PER3: variants seen among roughly 807,000 people sequenced by gnomAD.
The protein encoded by PER3 is period circadian regulator 3, also known as period circadian protein homolog 3.
In PER3, 107 loss-of-function variants were observed where a neutral mutation model predicts 127.2. The ratio of observed to expected loss-of-function variants is 0.84; its 90% CI spans 0.72 to 0.99. The LOEUF (loss-of-function observed/expected upper bound fraction) is 0.99. PER3 is among the 50% of genes least tolerant of loss of function. The pLI is 0.00. For synonymous variants in PER3, 618 were observed against 585.8 expected (o/e 1.05, Z -0.79); for missense variants, 1,560 against 1,525.8 (o/e 1.02, Z -0.37).
Position 7,827,164 on chromosome 1 carries a change from G to A in PER3, c.2235G>A (p.Gly745=). The stretch of plus-strand genomic sequence containing the variant: ...CGCGGTCGGCCGGCTGCAGGAAAGG[G>A]AAGCACAAGCGGAAGAAGCTGCCGG... ...KQTRSAGCRK[G]KHKRKKLPEP... The change falls in exon 18 of 22, where the codon GGG becomes GGA. Residue 745 remains glycine, a synonymous_variant. Coordinates refer to ENST00000377532, the MANE Select transcript of PER3 (RefSeq NM_001377275.1). 1 of 1,611,744 alleles carries A rather than the reference G, an allele frequency of 6.2e-7. No homozygotes were observed. The highest frequency in any genetic ancestry group is 8.5e-7 in the Non-Finnish European group (1 of 1,179,178).
intron 2 of PER3, 32 bp from the exon 3 acceptor site, chr1:7,785,409 G>T (rs1164761596): frequency 1.3e-6 from 2 of 1,582,414 alleles, no homozygotes; most frequent in Admixed American, 3.4e-5. Flanking sequence ...TGTCTTCAGA[G>T]GATGAAGTTG....
intron 13 of PER3, among the ~76,000 whole-genome samples, chr1:7,810,902 AAG>A (rs2097216532): frequency 2.0e-5 from 3 of 152,378 alleles, no homozygotes; most frequent in South Asian, 4.1e-4. Flanking sequence ...TTTAAACAAA[AAG>A]AGTGGATTTT....
intron 18 of PER3, among the ~76,000 whole-genome samples, chr1:7,828,702 A>C (rs1442040168): frequency 6.6e-6 from 1 of 152,232 alleles, no homozygotes; most frequent in African/African-American, 2.4e-5. Context: ...CTAGTTAGGA[A>C]GATTCACTTA....
At chr1:7,816,322 G>C (rs1390171478) in intron 13 of PER3, among the ~76,000 whole-genome samples, 1 of 152,036 alleles carries the variant, frequency 6.6e-6, no homozygotes, top group Non-Finnish European at 1.5e-5. Context: ...AGGAAGGACA[G>C]GTTGGACTTT....
rs1255608742 is a variant in PER3 at position 7,827,140 on chromosome 1, G to A, written c.2211G>A (p.Thr737=). ...YFQGDSTSKQ[T]RSAGCRKGKH... The stretch of plus-strand genomic sequence containing the variant: ...CAGGAGATTCTACTTCCAAGCAGAC[G>A]CGGTCGGCCGGCTGCAGGAAAGGGA... Residue 737 remains threonine (T), a synonymous_variant, in exon 18 of 22, where the codon ACG becomes ACA. Coordinates refer to ENST00000377532, the MANE Select transcript of PER3 (RefSeq NM_001377275.1). 6.2e-7 allele frequency: 1 copy of A among 1,602,640 alleles called. No individual in the cohort carries two copies. The highest frequency in any genetic ancestry group is 8.5e-7 in the Non-Finnish European group (1 of 1,175,136).
Position 7,810,427 on chromosome 1 carries a change from C to A in PER3, c.1372-11C>A. The A allele has an allele frequency of 6.4e-7, 1 of 1,570,884 alleles. No homozygotes were observed. Among genetic ancestry groups the A allele is most frequent in the Non-Finnish European group, 8.6e-7 (1 of 1,157,128 alleles). On this transcript the variant is annotated splice_polypyrimidine_tract_variant and intron_variant, in intron 12 of 21. Coordinates refer to ENST00000377532, the MANE Select transcript of PER3 (RefSeq NM_001377275.1). Reference sequence around the variant, plus strand: ...ATTTTTGAAACATATTTTATCATTCCTTTCCCTAAGATGACCTTGCAGCAG... The same window carrying A: ...ATTTTTGAAACATATTTTATCATTCATTTCCCTAAGATGACCTTGCAGCAG...
In PER3 at chr1:7,836,057, G is replaced by A; in HGVS notation, c.3398+112G>A. On this transcript the variant is annotated intron_variant, in intron 20 of 21. Transcript: ENST00000377532. ...CTGTCACCCAGGCTGGAGTGCAGTG[G>A]CACGATCTCAGCACACTGCAACCTC... The A allele has an allele frequency of 4.4e-6, 3 of 676,658 alleles. No individual in the cohort carries two copies. The South Asian group carries it at 5.8e-5, about 13-fold the overall frequency. 41.9% of individuals were successfully genotyped at this position (676,658 alleles called of 1,614,324 possible). A position where few individuals can be genotyped will look rare whatever the true frequency, so the allele number is the denominator to read the frequency against.
chr1:7,787,165 C>T (rs697684), intron 4 of PER3: 13,176 of 474,806 alleles, frequency 0.028, 246 homozygotes, highest in East Asian at 0.065. Context: ...TTCTAATCTC[C>T]GAATTGTTAA....
chr1:7,785,886 G>A (rs2097086692), intron 3 of PER3, among the ~76,000 whole-genome samples: 1 of 152,126 alleles, frequency 6.6e-6, no homozygotes, highest in Non-Finnish European at 1.5e-5. Context: ...AAGAAATATT[G>A]TCTTCTATGG....
intron 4 of PER3, chr1:7,787,443 T>G (rs760785766): frequency 1.5e-5 from 7 of 458,782 alleles, no homozygotes; most frequent in Non-Finnish European, 3.0e-5. Flanking sequence ...ATTATAACAG[T>G]GCTTATTTTA....
intron 5 of PER3, among the ~76,000 whole-genome samples, chr1:7,791,727 C>T (rs938320239): frequency 3.6e-4 from 55 of 152,214 alleles, no homozygotes; most frequent in African/African-American, 1.2e-3. Context: ...AAATTTCTTC[C>T]GTCAGATACC....
chr1:7,785,459 C>CA lies in PER3; in HGVS notation c.148dup (p.Arg50LysfsTer4). On this transcript the variant is annotated frameshift_variant, in exon 3 of 22. Transcript: ENST00000377532. LOFTEE classifies it high-confidence loss of function. ...CTTCCAGTGAACAGCAAGATCGAAA[C>CA]AGAGTTTCTGAAGAACTTATCATGG... The CA allele has an allele frequency of 6.2e-7, 1 of 1,612,606 alleles. No homozygotes were observed. The highest frequency in any genetic ancestry group is 8.5e-7 in the Non-Finnish European group (1 of 1,178,720).
At chr1:7,806,949 A>G (rs991080955) in intron 10 of PER3, among the ~76,000 whole-genome samples, 4 of 151,824 alleles carry the variant, frequency 2.6e-5, no homozygotes, top group African/African-American at 9.7e-5. Context: ...CTCAAAAAAC[A>G]AATTCCAAAT....
intron 13 of PER3, among the ~76,000 whole-genome samples, chr1:7,811,309 A>C (rs1227512042): frequency 1.3e-5 from 2 of 152,178 alleles, no homozygotes; most frequent in Non-Finnish European, 1.5e-5. Flanking sequence ...CAGTGGGGTG[A>C]AATTTTTGAG....
chr1:7,784,743 G>C lies in PER3; in HGVS notation c.-135G>C, dbSNP rs1353224550. Reference sequence around the variant, plus strand: ...AGATGAGCGTGACCCCCTGGCTCGTGGTGGCCGCCTGTTCTCACTAACGCC... The same window carrying C: ...AGATGAGCGTGACCCCCTGGCTCGTCGTGGCCGCCTGTTCTCACTAACGCC... On this transcript the variant is annotated 5_prime_UTR_variant, in exon 2 of 22. Transcript: ENST00000377532. The C allele has an allele frequency of 2.2e-6, 2 of 919,104 alleles. No individual in the cohort carries two copies. Among genetic ancestry groups the C allele is most frequent in the Non-Finnish European group, 3.0e-6 (2 of 667,948 alleles). 56.9% of individuals were successfully genotyped at this position (919,104 alleles called of 1,614,324 possible). A position where few individuals can be genotyped will look rare whatever the true frequency, so the allele number is the denominator to read the frequency against.
In PER3 at chr1:7,827,295, C is replaced by T. The variant is rs746538221; in HGVS notation, c.2366C>T (p.Ser789Leu). Residue 789 changes from serine (S) to leucine (L), a missense_variant, in exon 18 of 22, where the codon TCG (serine) becomes TTG (leucine). Ser to Leu is a moderately radical substitution (Grantham distance 145). Around this residue, in one of 3 missense-constraint regions of PER3, gnomAD observed 1,332 missense variants for 1,223.6 expected, o/e 1.09. Transcript: ENST00000377532. ...CPSAASSPHTSSPTFPPAAMV... is the reference protein window; with the variant it reads ...CPSAASSPHTLSPTFPPAAMV... ...TCCGCGGCCTCCTCTCCGCACACCT[C>T]GAGCCCGACCTTCCCACCTGCCGCC... The T allele has an allele frequency of 3.8e-5, 61 of 1,613,600 alleles. 1 individual carries two copies. In the Middle Eastern group the frequency reaches 1.3e-3, roughly 35 times the overall value.
rs746458693 is a variant in PER3, at chr1:7,827,357, T to C, written c.2428T>C (p.Phe810Leu). The C allele has an allele frequency of 3.1e-6, 5 of 1,613,888 alleles. No homozygotes were observed. Among genetic ancestry groups the C allele is most frequent in the Non-Finnish European group, 3.4e-6 (4 of 1,180,002 alleles). ...PSQAPYLVPA[F>L]PLPAATSPGR... ...CCAGGCCCCTTACCTCGTCCCAGCT[T>C]TTCCCCTCCCAGCCGCGACCTCACC... The change falls in exon 18 of 22, where the codon TTT becomes CTT. Residue 810 changes from phenylalanine (F) to leucine (L), a missense_variant. Transcript: ENST00000377532.
rs1385924057 is a variant in PER3 at position 7,808,532 on chromosome 1, A to C, written c.1137-361A>C. On this transcript the variant is annotated intron_variant, in intron 10 of 21. Transcript: ENST00000377532. ...TGTTTGGAAAACTTGGGGTCTTTAA[A>C]ATTCTTAGAGTAAGTTACAGTTACT... Among the ~76,000 whole-genome samples the C allele has an allele frequency of 2.0e-5, 3 of 152,320 alleles. No homozygotes were observed. The South Asian group carries it at 6.2e-4, about 32-fold the overall frequency.
At chr1:7,838,411 T>C (rs911156297) in intron 21 of PER3, among the ~76,000 whole-genome samples, 3 of 152,108 alleles carry the variant, frequency 2.0e-5, no homozygotes, top group African/African-American at 7.2e-5. Context: ...CTACTTTCTC[T>C]TTTTTCTTTT....
Sources: gnomAD v4.1 joint callset for allele counts (sites outside exome capture counted in the v4.1 genomes callset) on GRCh38, gnomAD v4.1.1 for gene constraint, gnomAD v4.1.1 regional missense constraint, MANE v1.5 for transcripts, NCBI Gene and HGNC (gene_info 2026-07-23, HGNC 2026-07-21) for gene names.